The following LRRC4C variants were observed in gnomAD, a reference collection of about 807,000 sequenced individuals.
The protein encoded by LRRC4C is leucine rich repeat containing 4C.
In LRRC4C, 5 loss-of-function variants were observed where a neutral mutation model predicts 33.6. The observed-to-expected ratio is 0.15, with a 90% confidence interval of 0.08 to 0.31. LRRC4C has a LOEUF of 0.31. Ranked by LOEUF, LRRC4C falls within the 10% of genes least tolerant of loss-of-function variation. LRRC4C has a pLI of 1.00. For missense variants in LRRC4C, 560 were observed against 796.7 expected, an observed-to-expected ratio of 0.70 and a Z score of 3.58; for synonymous variants, 329 against 302.0, an observed-to-expected ratio of 1.09 and a Z score of -0.93.
At chr11:40,393,666 A>G (rs1347384167) in intron 3 of LRRC4C, among the ~76,000 whole-genome samples, 1 of 152,190 alleles carries the variant, frequency 6.6e-6, no homozygotes, top group East Asian at 1.9e-4. Context: ...GAGTAACATC[A>G]TAACCCAAGT....
intron 1 of LRRC4C, among the ~76,000 whole-genome samples, chr11:40,960,015 T>C (rs537731147): frequency 6.7e-6 from 1 of 150,354 alleles, no homozygotes; most frequent in Non-Finnish European, 1.5e-5. Flanking sequence ...GAACAGTCAA[T>C]TGATAAAGAT....
At chr11:41,431,024 A>G (rs1364283612) in intron 1 of LRRC4C, among the ~76,000 whole-genome samples, 1 of 152,138 alleles carries the variant, frequency 6.6e-6, no homozygotes, top group African/African-American at 2.4e-5. Context: ...GAATTACTCA[A>G]TCAGCTTAAA....
chr11:40,140,549 A>G (rs1348494020), intron 6 of LRRC4C, among the ~76,000 whole-genome samples: 1 of 152,186 alleles, frequency 6.6e-6, no homozygotes, highest in Non-Finnish European at 1.5e-5. Context: ...GGCTGTTTCT[A>G]AACTGGCAAA....
intron 1 of LRRC4C, among the ~76,000 whole-genome samples, chr11:40,948,207 T>C (rs982779721): frequency 3.3e-5 from 5 of 152,160 alleles, no homozygotes; most frequent in African/African-American, 1.2e-4. Flanking sequence ...CAAAAATATT[T>C]CAAGCTTCAT....
At chr11:41,082,903 A>G (rs1939686512) in intron 1 of LRRC4C, among the ~76,000 whole-genome samples, 1 of 152,130 alleles carries the variant, frequency 6.6e-6, no homozygotes, top group Non-Finnish European at 1.5e-5. Flanking sequence ...TAGTGATAAT[A>G]TGTTTGAACA....
At position 41,133,403 on chromosome 11, in the gene LRRC4C, TTGA is replaced by T. The variant is rs939136449; in HGVS notation, c.-495-199683_-495-199681del. Among the ~76,000 whole-genome samples, 194 of 152,258 alleles carry T rather than the reference TTGA, an allele frequency of 1.3e-3. 2 individuals carry two copies. In the Middle Eastern group the frequency reaches 0.017, roughly 13 times the overall value. On this transcript the variant is annotated intron_variant, in intron 1 of 6. Coordinates refer to ENST00000528697, the MANE Select transcript of LRRC4C (RefSeq NM_001258419.2). The stretch of plus-strand genomic sequence containing the variant: ...CACCATCATTATGGCTAGAAGTTTC[TTGA>T]TTTTCTTGAAAAATACTCAGTTGCC...
intron 1 of LRRC4C, among the ~76,000 whole-genome samples, chr11:41,286,980 G>A (rs1012196727): frequency 6.6e-6 from 1 of 152,142 alleles, no homozygotes; most frequent in African/African-American, 2.4e-5. Context: ...CACAAGGTGA[G>A]ATAAAGCTTC....
At chr11:40,316,486 A>C (rs1041521393) in intron 4 of LRRC4C, among the ~76,000 whole-genome samples, 1 of 151,984 alleles carries the variant, frequency 6.6e-6, no homozygotes, top group Non-Finnish European at 1.5e-5. Context: ...AGAAGTAAAC[A>C]TCAGTAGGGA....
chr11:40,448,412 C>A (rs535775378), intron 3 of LRRC4C, among the ~76,000 whole-genome samples: 192 of 152,150 alleles, frequency 1.3e-3, no homozygotes, highest in South Asian at 7.1e-3. Flanking sequence ...CTCCCCACCC[C>A]CCGACAGGCC....
chr11:41,154,024 T>C (rs1944116369), intron 1 of LRRC4C, among the ~76,000 whole-genome samples: 1 of 152,180 alleles, frequency 6.6e-6, no homozygotes, highest in Non-Finnish European at 1.5e-5. Flanking sequence ...GTAAGGAATA[T>C]ATTGTCACCT....
chr11:41,404,569 G>A (rs969996601), intron 1 of LRRC4C, among the ~76,000 whole-genome samples: 2 of 130,586 alleles, frequency 1.5e-5, no homozygotes, highest in Non-Finnish European at 3.3e-5. Flanking sequence ...CACACCCCCC[G>A]AGGTTATATA....
chr11:40,196,047 T>C (rs1862236430), intron 5 of LRRC4C, among the ~76,000 whole-genome samples: 1 of 152,214 alleles, frequency 6.6e-6, no homozygotes. Flanking sequence ...TCTGCATTTT[T>C]CCCAGAAAGA....
chr11:41,128,412 T>C (rs1197061547), intron 1 of LRRC4C, among the ~76,000 whole-genome samples: 1 of 152,140 alleles, frequency 6.6e-6, no homozygotes, highest in Non-Finnish European at 1.5e-5. Context: ...GTTAGCTATG[T>C]GAAAAGAGAT....
chr11:40,268,385 CT>C (rs1344003673), intron 4 of LRRC4C, among the ~76,000 whole-genome samples: 1 of 152,082 alleles, frequency 6.6e-6, no homozygotes, highest in African/African-American at 2.4e-5. Flanking sequence ...ATGATGCTTC[CT>C]AAATTGAAAA....
intron 1 of LRRC4C, among the ~76,000 whole-genome samples, chr11:41,429,953 G>A (rs913330801): frequency 5.3e-5 from 8 of 152,086 alleles, no homozygotes; most frequent in African/African-American, 1.9e-4. Context: ...TGTAATAAAT[G>A]GTTAGAGAGG....
At chr11:40,636,948 A>G (rs972305012) in intron 3 of LRRC4C, among the ~76,000 whole-genome samples, 1 of 152,106 alleles carries the variant, frequency 6.6e-6, no homozygotes, top group African/African-American at 2.4e-5. Context: ...TGGCCCTTCA[A>G]GATCTTCAGT....
intron 1 of LRRC4C, among the ~76,000 whole-genome samples, chr11:41,235,324 T>C (rs1004618435): frequency 1.3e-5 from 2 of 151,980 alleles, no homozygotes; most frequent in African/African-American, 4.8e-5. Context: ...TCTATACTCA[T>C]TTTGGTCCTT....
At chr11:41,432,671 C>T (rs1955281355) in intron 1 of LRRC4C, among the ~76,000 whole-genome samples, 1 of 151,980 alleles carries the variant, frequency 6.6e-6, no homozygotes, top group South Asian at 2.1e-4. Context: ...CATGCACAGG[C>T]ACACAGACAT....
intron 1 of LRRC4C, among the ~76,000 whole-genome samples, chr11:40,990,840 T>C (rs992634240): frequency 2.0e-5 from 3 of 152,164 alleles, no homozygotes; most frequent in African/African-American, 7.2e-5. Context: ...CCTTTGAATA[T>C]ACATTTTTTT....
Sources: allele counts gnomAD v4.1 joint callset (sites outside exome capture counted in the v4.1 genomes callset), GRCh38; gene constraint gnomAD v4.1.1; transcripts MANE v1.5; gene names NCBI Gene and HGNC (gene_info 2026-07-23, HGNC 2026-07-21).